TNRC6A: variants seen among roughly 807,000 people sequenced by gnomAD.
TNRC6A encodes trinucleotide repeat-containing gene 6A protein.
Under a neutral mutation model 221.2 loss-of-function variants are expected in TNRC6A, and 44 were observed. The observed-to-expected ratio is 0.20, with a 90% CI of 0.16 to 0.26. The LOEUF is 0.26. Ranked by LOEUF, TNRC6A falls within the 10% of genes least tolerant of loss-of-function variation. The pLI is 1.00. For synonymous variants in TNRC6A, 847 were observed against 838.5 expected (o/e 1.01, Z -0.18); for missense variants, 2,199 against 2,404.4 (o/e 0.91, Z 1.79).
chr16:24,754,459 A>G (rs1429079695), intron 3 of TNRC6A, among the ~76,000 whole-genome samples: 2 of 152,196 alleles, frequency 1.3e-5, no homozygotes, highest in African/African-American at 4.8e-5. Flanking sequence ...AAGATTATGT[A>G]TAACACTCTT....
At chr16:24,807,665 T>C (rs1158330361) in intron 17 of TNRC6A, among the ~76,000 whole-genome samples, 1 of 151,264 alleles carries the variant, frequency 6.6e-6, no homozygotes, top group Non-Finnish European at 1.5e-5. Flanking sequence ...TTCTCTGTTA[T>C]CTCCAGGCTT....
At chr16:24,769,238 A>G (rs1028950708) in intron 4 of TNRC6A, among the ~76,000 whole-genome samples, 1 of 152,208 alleles carries the variant, frequency 6.6e-6, no homozygotes, top group East Asian at 1.9e-4. Context: ...AGCTTGTAGA[A>G]TAGCAAAGCT....
At chr16:24,737,844 AAC>A (rs750292252) in intron 2 of TNRC6A, among the ~76,000 whole-genome samples, 72 of 140,208 alleles carry the variant, frequency 5.1e-4, no homozygotes, top group Non-Finnish European at 9.2e-4. Context: ...GTTTCCCTAA[AAC>A]ATGTGTGCAC....
intron 2 of TNRC6A, among the ~76,000 whole-genome samples, chr16:24,655,078 AC>A (rs1158426035): frequency 6.6e-6 from 1 of 152,036 alleles, no homozygotes; most frequent in Non-Finnish European, 1.5e-5. Context: ...CCCCATCGCT[AC>A]AAAAAATACA....
chr16:24,673,796 G>A (rs1389044985), intron 2 of TNRC6A, among the ~76,000 whole-genome samples: 11 of 152,246 alleles, frequency 7.2e-5, no homozygotes, highest in South Asian at 2.1e-4. Flanking sequence ...GGGCTCAAGC[G>A]AACTACCCAC....
chr16:24,665,237 T>C (rs1460431002), intron 2 of TNRC6A, among the ~76,000 whole-genome samples: 1 of 148,366 alleles, frequency 6.7e-6, no homozygotes, highest in African/African-American at 2.6e-5. Flanking sequence ...AACTGGCTAA[T>C]TTTTTTTTAA....
Position 24,793,475 on chromosome 16 carries a change from T to C in TNRC6A, c.3178T>C (p.Trp1060Arg). The change falls in exon 7 of 25, where the codon TGG (tryptophan) becomes CGG (arginine). Residue 1060 changes from tryptophan (W) to arginine (R), a missense_variant and splice_region_variant. Physicochemically the swap from Trp to Arg is moderately radical, Grantham distance 101. This residue lies in a region of TNRC6A where 1,405 missense variants were observed against 1,400.2 expected (regional missense o/e 1.00). Transcript: ENST00000395799. ...TTCTTTTCCCACACTTTCTAAAGGC[T>C]GGGGTGAGCCCTGGGGGGAGCCTTC... The part of the protein sequence containing the change: ...SNKEASSGSG[W>R]GEPWGEPSTP... 6.9e-7 allele frequency: 1 copy of C among 1,445,362 alleles called. No homozygotes were observed. The highest frequency in any genetic ancestry group is 9.2e-7 in the Non-Finnish European group (1 of 1,089,232). 89.5% of individuals were successfully genotyped at this position (1,445,362 alleles called of 1,614,324 possible).
Position 24,822,930 on chromosome 16 carries a change from C to T in TNRC6A, c.5430C>T (p.Phe1810=), listed in dbSNP as rs745769340. 6.2e-7 allele frequency: 1 copy of T among 1,614,244 alleles called. No homozygotes were observed. Among genetic ancestry groups the T allele is most frequent in the South Asian group, 1.1e-5 (1 of 91,082 alleles). The part of the protein sequence containing the change: ...LCMQHGPLIT[F]HLNLPHGNAL... ...TGCAGCACGGCCCGCTGATCACATTCCACCTGAACCTCCCTCACGGAAATG... is the reference window on the plus strand; with the variant it reads ...TGCAGCACGGCCCGCTGATCACATTTCACCTGAACCTCCCTCACGGAAATG... The change falls in exon 24 of 25, where the codon TTC becomes TTT. Residue 1810 remains phenylalanine (F), a synonymous_variant. Transcript: ENST00000395799.
chr16:24,807,695 T>A (rs1440557696), intron 17 of TNRC6A, among the ~76,000 whole-genome samples: 1 of 151,296 alleles, frequency 6.6e-6, no homozygotes, highest in Non-Finnish European at 1.5e-5. Context: ...GGGTAGAGAT[T>A]TTGAGCTTAT....
intron 1 of TNRC6A, among the ~76,000 whole-genome samples, chr16:24,620,968 C>G (rs959536343): frequency 1.3e-4 from 19 of 150,772 alleles, no homozygotes; most frequent in Middle Eastern, 3.2e-3. Context: ...CCTGTAGTCC[C>G]AGCTACTTGG....
chr16:24,821,887 G>A (rs1424346445), intron 22 of TNRC6A, 190 bp from the exon 23 acceptor site: 2 of 593,032 alleles, frequency 3.4e-6, no homozygotes, highest in African/African-American at 1.9e-5. Context: ...CAGAGGCAGA[G>A]CCCCCTGCCA....
intron 1 of TNRC6A, among the ~76,000 whole-genome samples, chr16:24,631,466 T>C (rs1033534676): frequency 1.3e-5 from 2 of 152,130 alleles, no homozygotes; most frequent in South Asian, 2.1e-4. Flanking sequence ...TTCCCACTTA[T>C]TGTAAATATT....
intron 2 of TNRC6A, among the ~76,000 whole-genome samples, chr16:24,693,058 A>G (rs1371255600): frequency 6.6e-6 from 1 of 152,154 alleles, no homozygotes; most frequent in Non-Finnish European, 1.5e-5. Context: ...AAAAATAATA[A>G]TAAACACACT....
intron 4 of TNRC6A, among the ~76,000 whole-genome samples, chr16:24,771,914 T>G (rs2057619901): frequency 1.3e-5 from 2 of 152,200 alleles, no homozygotes; most frequent in Non-Finnish European, 2.9e-5. Context: ...CACTGCCTGT[T>G]TTTGCATATG....
At chr16:24,653,018 C>T (rs1902757135) in intron 2 of TNRC6A, among the ~76,000 whole-genome samples, 1 of 152,162 alleles carries the variant, frequency 6.6e-6, no homozygotes, top group African/African-American at 2.4e-5. Flanking sequence ...GCATTTGCTT[C>T]CAACCATTTT....
At chr16:24,775,308 A>C (rs1250844866) in intron 4 of TNRC6A, among the ~76,000 whole-genome samples, 2 of 152,180 alleles carry the variant, frequency 1.3e-5, no homozygotes, top group Non-Finnish European at 2.9e-5. Context: ...AGGATTATAA[A>C]CAGTAGATGG....
chr16:24,685,251 C>T (rs1324350205), intron 2 of TNRC6A, among the ~76,000 whole-genome samples: 1 of 152,190 alleles, frequency 6.6e-6, no homozygotes, highest in Admixed American at 6.6e-5. Flanking sequence ...TCACAACAAT[C>T]TTTCAAGGTA....
rs1396088831 is a variant in TNRC6A, at chr16:24,750,627, C to A, written c.54-99C>A. ...ATGATAAAATAATAATTTGCCATGT[C>A]TTCTAATAAGAGTGAAAAAGTGAAA... On this transcript the variant is annotated intron_variant, in intron 2 of 24. Coordinates refer to ENST00000395799, the MANE Select transcript of TNRC6A (RefSeq NM_014494.4). The A allele has an allele frequency of 1.7e-5, 23 of 1,326,402 alleles. 1 individual carries two copies. The highest frequency in any genetic ancestry group is 2.3e-5 in the Non-Finnish European group (23 of 1,010,208). 82.2% of individuals were successfully genotyped at this position (1,326,402 alleles called of 1,614,324 possible).
chr16:24,620,679 G>A (rs547870537), intron 1 of TNRC6A, among the ~76,000 whole-genome samples: 10 of 152,226 alleles, frequency 6.6e-5, no homozygotes, highest in African/African-American at 2.2e-4. Flanking sequence ...GTGTTGGCGT[G>A]CCCCTGTAAT....
Sources: gnomAD v4.1 joint callset for allele counts (sites outside exome capture counted in the v4.1 genomes callset) on GRCh38, gnomAD v4.1.1 for gene constraint, gnomAD v4.1.1 regional missense constraint, MANE v1.5 for transcripts, NCBI Gene and HGNC (gene_info 2026-07-23, HGNC 2026-07-21) for gene names.